Variants in ATRNL1 observed in about 807,000 individuals in gnomAD.
ATRNL1 encodes attractin like 1.
Under a neutral mutation model 182.7 loss-of-function variants are expected in ATRNL1, and 95 were observed. That is an observed-to-expected ratio of 0.52 (90% CI 0.44 to 0.62). The LOEUF (loss-of-function observed/expected upper bound fraction) is 0.62. Among genes scored for constraint, ATRNL1 ranks in the 20% least tolerant of loss-of-function variants. The pLI is 0.00. For synonymous variants in ATRNL1, 576 were observed against 568.3 expected (o/e 1.01, Z -0.19); for missense variants, 1,471 against 1,679.5 (o/e 0.88, Z 2.17).
At chr10:115,779,289 A>G (rs1949204979) in intron 27 of ATRNL1, among the ~76,000 whole-genome samples, 1 of 152,212 alleles carries the variant, frequency 6.6e-6, no homozygotes, top group African/African-American at 2.4e-5. Context: ...TGGCCAATTG[A>G]TAATGCCCAA....
At chr10:115,654,007 T>C (rs900197628) in intron 26 of ATRNL1, among the ~76,000 whole-genome samples, 5 of 152,178 alleles carry the variant, frequency 3.3e-5, no homozygotes, top group Admixed American at 6.6e-5. Context: ...TCCTGTGAGA[T>C]AGTGAAATAA....
chr10:115,680,606 G>A (rs781798683), intron 26 of ATRNL1, among the ~76,000 whole-genome samples: 10 of 152,146 alleles, frequency 6.6e-5, no homozygotes, highest in Non-Finnish European at 1.5e-4. Context: ...TGCTAAGGCT[G>A]TAGTTCCAGA....
chr10:115,836,931 A>C (rs1395515876), intron 27 of ATRNL1, among the ~76,000 whole-genome samples: 1 of 152,124 alleles, frequency 6.6e-6, no homozygotes, highest in African/African-American at 2.4e-5. Context: ...GGCGCCACCC[A>C]ATGACAGAAG....
chr10:115,476,014 G>T (rs557302864), intron 24 of ATRNL1, among the ~76,000 whole-genome samples: 34 of 151,070 alleles, frequency 2.3e-4, no homozygotes, highest in Non-Finnish European at 4.9e-4. Context: ...AGTTTAAATC[G>T]TTGATTTTAG....
At chr10:115,291,005 C>A (rs1189172248) in intron 15 of ATRNL1, among the ~76,000 whole-genome samples, 3 of 152,192 alleles carry the variant, frequency 2.0e-5, no homozygotes. Flanking sequence ...ACATGCCTGG[C>A]CCCCAGGTAG....
At chr10:115,378,550 G>C (rs1231100990) in intron 19 of ATRNL1, among the ~76,000 whole-genome samples, 1 of 152,178 alleles carries the variant, frequency 6.6e-6, no homozygotes, top group Non-Finnish European at 1.5e-5. Context: ...AGTCTGACAA[G>C]CTTCTCACAG....
intron 27 of ATRNL1, among the ~76,000 whole-genome samples, chr10:115,786,161 A>G (rs1949391730): frequency 6.6e-6 from 1 of 152,200 alleles, no homozygotes; most frequent in Admixed American, 6.5e-5. Context: ...TAAGTCATCA[A>G]GGCTTTTCCT....
intron 18 of ATRNL1, among the ~76,000 whole-genome samples, chr10:115,326,366 C>A (rs914402366): frequency 3.3e-5 from 5 of 152,026 alleles, no homozygotes; most frequent in African/African-American, 1.2e-4. Context: ...ACCTAGGAAT[C>A]CAACTTAAAG....
chr10:115,303,572 T>C (rs1214395599), intron 17 of ATRNL1, among the ~76,000 whole-genome samples: 1 of 152,162 alleles, frequency 6.6e-6, no homozygotes, highest in Non-Finnish European at 1.5e-5. Context: ...CAAAGCAAAA[T>C]ATCAGTTATT....
chr10:115,621,333 TCTTA>T (rs1471200792), intron 26 of ATRNL1, among the ~76,000 whole-genome samples: 1 of 142,856 alleles, frequency 7.0e-6, no homozygotes, highest in East Asian at 2.2e-4. Flanking sequence ...TGAGTCAGCA[TCTTA>T]CTTGTCACCC....
At chr10:115,734,142 A>T (rs2804166) in intron 27 of ATRNL1, among the ~76,000 whole-genome samples, 25,330 of 152,072 alleles carry the variant, frequency 0.17, 2,436 homozygotes, top group Non-Finnish European at 0.22. Flanking sequence ...ACACTATTAT[A>T]AATAAGACTG....
intron 26 of ATRNL1, among the ~76,000 whole-genome samples, chr10:115,660,973 A>G (rs1555037535): frequency 6.6e-6 from 1 of 152,088 alleles, no homozygotes; most frequent in Non-Finnish European, 1.5e-5. Flanking sequence ...AAATGAAATA[A>G]TCATTAGATT....
chr10:115,578,327 A>G (rs1854855377), intron 26 of ATRNL1, among the ~76,000 whole-genome samples: 2 of 151,692 alleles, frequency 1.3e-5, no homozygotes, highest in African/African-American at 4.8e-5. Flanking sequence ...AGAATTACGG[A>G]TATTAATTCT....
At chr10:115,201,523 C>T (rs1470082873) in intron 8 of ATRNL1, among the ~76,000 whole-genome samples, 10 of 152,056 alleles carry the variant, frequency 6.6e-5, no homozygotes, top group Non-Finnish European at 2.9e-5. Flanking sequence ...TCAGGTTTGT[C>T]AAAGATCTGA....
intron 23 of ATRNL1, 21 bp from the exon 24 acceptor site, chr10:115,469,151 T>TTTAAA (rs782500844): frequency 2.0e-6 from 2 of 983,034 alleles, no homozygotes; most frequent in Non-Finnish European, 2.8e-6. Flanking sequence ...ATATTAATTA[T>TTTAAA]TTAAATTATT....
intron 20 of ATRNL1, among the ~76,000 whole-genome samples, chr10:115,420,451 G>A (rs1324125760): frequency 1.3e-5 from 2 of 151,942 alleles, no homozygotes; most frequent in African/African-American, 2.4e-5. Flanking sequence ...ATACGTACAT[G>A]GAAATTAAAC....
chr10:115,567,959 G>A (rs1278650484), intron 26 of ATRNL1, among the ~76,000 whole-genome samples: 5 of 152,040 alleles, frequency 3.3e-5, no homozygotes, highest in African/African-American at 1.2e-4. Context: ...CCTGAGTACT[G>A]TCATCCTTTA....
intron 26 of ATRNL1, among the ~76,000 whole-genome samples, chr10:115,609,440 A>G (rs1857040188): frequency 6.6e-6 from 1 of 152,216 alleles, no homozygotes; most frequent in African/African-American, 2.4e-5. Flanking sequence ...ATTATAAAAG[A>G]ATGCTTAATT....
At chr10:115,484,129 T>C (rs1309406092) in intron 24 of ATRNL1, among the ~76,000 whole-genome samples, 1 of 151,510 alleles carries the variant, frequency 6.6e-6, no homozygotes, top group African/African-American at 2.4e-5. Flanking sequence ...CTTTTTTTTT[T>C]TCAGTAAATG....
Sources: gnomAD v4.1 joint callset for allele counts (sites outside exome capture counted in the v4.1 genomes callset) on GRCh38, gnomAD v4.1.1 for gene constraint, MANE v1.5 for transcripts, NCBI Gene and HGNC (gene_info 2026-07-23, HGNC 2026-07-21) for gene names.